Variants in PHKA2 observed in about 807,000 individuals in gnomAD.
PHKA2 encodes the protein phosphorylase kinase regulatory subunit alpha 2, also known as phosphorylase b kinase regulatory subunit alpha, liver isoform.
PHKA2 carries 31 observed loss-of-function variants against 102.0 expected under a neutral mutation model. The ratio of observed to expected loss-of-function variants is 0.30; its 90% confidence interval spans 0.23 to 0.41. PHKA2 has a LOEUF of 0.41. Among genes scored for constraint, PHKA2 ranks in the 10% least tolerant of loss-of-function variants. The pLI is 1.00. For missense variants in PHKA2, 858 were observed against 1,023.1 expected (o/e 0.84, Z 2.20); for synonymous variants, 455 against 416.2 (o/e 1.09, Z -1.13).
At chrX:18,961,494 C>T (rs965820193) in intron 1 of PHKA2, among the ~76,000 whole-genome samples, 1 of 108,669 alleles carries the variant, frequency 9.2e-6, no homozygotes, top group African/African-American at 3.4e-5. Context: ...CCTGTCTCTA[C>T]TAAAAATGCA....
In PHKA2 at chrX:18,910,883, G is replaced by A. The variant is rs368431458; in HGVS notation, c.2215C>T (p.Leu739Phe). The A allele has an allele frequency of 5.9e-6, 7 of 1,178,475 alleles. No individual in the cohort carries two copies. The Middle Eastern group carries it at 7.0e-4, about 118-fold the overall frequency. The change falls in exon 20 of 33, where the codon CTC becomes TTC. Residue 739 changes from leucine (L) to phenylalanine (F), a missense_variant. Leu to Phe is a conservative substitution (Grantham distance 22). Coordinates refer to ENST00000379942, the MANE Select transcript of PHKA2 (RefSeq NM_000292.3). Reference protein sequence around the residue: ...SLNLVDSPQPLLEKVPESDFQ... With the variant: ...SLNLVDSPQPFLEKVPESDFQ... ...TCCATATACTTTACCTTTTCTAGGA[G>A]TGGCTGAGGAGAATCAACAAGATTC...
chrX:18,919,910 T>C (rs1330850265), intron 18 of PHKA2, 122 bp downstream of exon 18: 15 of 581,037 alleles, frequency 2.6e-5, no homozygotes, highest in Non-Finnish European at 4.0e-5. Flanking sequence ...AGCCTCTTTT[T>C]TGTTTTTCCT....
intron 13 of PHKA2, among the ~76,000 whole-genome samples, chrX:18,928,621 C>T (rs927742060): frequency 8.9e-6 from 1 of 112,301 alleles, no homozygotes; most frequent in African/African-American, 3.2e-5. Context: ...CTGCTCCACC[C>T]GGGTGCACAC....
chrX:18,968,987 C>T (rs185430920), intron 1 of PHKA2, among the ~76,000 whole-genome samples: 1,139 of 111,185 alleles, frequency 0.01, 17 homozygotes, highest in African/African-American at 0.035. Context: ...CGTGGTGGTG[C>T]ACGCCTGTAA....
chrX:18,900,517 C>A (rs757554980), intron 28 of PHKA2, among the ~76,000 whole-genome samples, 153 bp downstream of exon 28: 1 of 111,453 alleles, frequency 9.0e-6, no homozygotes, highest in African/African-American at 3.3e-5. Flanking sequence ...GTCTCTCCTG[C>A]CCTCGAGTCC....
At chrX:18,916,425 C>T (rs2048021499) in intron 19 of PHKA2, among the ~76,000 whole-genome samples, 1 of 111,932 alleles carries the variant, frequency 8.9e-6, no homozygotes, top group Non-Finnish European at 1.9e-5. Flanking sequence ...CAGAGTGATA[C>T]TCTTGTCTCA....
At chrX:18,943,113 C>T (rs768745669) in intron 7 of PHKA2, among the ~76,000 whole-genome samples, 2 of 111,847 alleles carry the variant, frequency 1.8e-5, no homozygotes, top group South Asian at 3.7e-4. Context: ...GCCCCAGCAA[C>T]GTACTTGGCA....
chrX:18,939,526 T>C (rs1437972310), intron 9 of PHKA2, among the ~76,000 whole-genome samples: 1 of 109,957 alleles, frequency 9.1e-6, no homozygotes, highest in Non-Finnish European at 1.9e-5. Context: ...CGGAGTCTCA[T>C]TCTGTCACCC....
rs766377954 is a variant in PHKA2 at position 18,954,314 on chromosome X, C to A, written c.177G>T (p.Met59Ile). ...CGCGGTCTGCATTCTTACGGTAGGC[C>A]ATGCCCAGGCCCCACACGGCCAGGA... ...YSILAVWGLG[M>I]AYRKNADRDE... Residue 59 changes from methionine to isoleucine, a missense_variant, in exon 2 of 33, where the codon ATG (methionine) becomes ATT (isoleucine). By Grantham distance (10) the Met-to-Ile change is conservative. Transcript: ENST00000379942. 8.3e-7 allele frequency: 1 copy of A among 1,211,549 alleles called. No homozygotes were observed. The highest frequency in any genetic ancestry group is 1.1e-6 in the Non-Finnish European group (1 of 895,009).
intron 29 of PHKA2, among the ~76,000 whole-genome samples, chrX:18,898,797 G>A (rs2047621949): frequency 8.9e-6 from 1 of 112,317 alleles, no homozygotes; most frequent in Admixed American, 9.4e-5. Context: ...GAGATCTGGG[G>A]CATGGCAGGT....
At chrX:18,944,535 A>G (rs908706455) in intron 6 of PHKA2, among the ~76,000 whole-genome samples, 2 of 111,651 alleles carry the variant, frequency 1.8e-5, no homozygotes, top group African/African-American at 6.5e-5. Context: ...TGACCCACAG[A>G]TCGAATCTGC....
rs2048169035 is a variant in PHKA2 at position 18,924,041 on chromosome X, A to T, written c.1793+15T>A. 1 of 1,146,976 alleles carries T rather than the reference A, an allele frequency of 8.7e-7. No individual in the cohort carries two copies. Among genetic ancestry groups the T allele is most frequent in the African/African-American group, 1.8e-5 (1 of 56,091 alleles). 94.5% of individuals were successfully genotyped at this position (1,146,976 alleles called of 1,213,427 possible). ...CAGTGCTACTCTTATATTTTTTAAAAAAATCACAAATTACCTGGCTCCTCC... is the reference window on the plus strand; with the variant it reads ...CAGTGCTACTCTTATATTTTTTAAATAAATCACAAATTACCTGGCTCCTCC... On this transcript the variant is annotated intron_variant, in intron 17 of 32. Transcript: ENST00000379942.
In PHKA2 at chrX:18,927,013, C is replaced by T. The variant is rs751798082; in HGVS notation, c.1325-426G>A. Among the ~76,000 whole-genome samples, 26 of 111,467 alleles carry T rather than the reference C, an allele frequency of 2.3e-4. No individual in the cohort carries two copies. The East Asian group carries it at 5.4e-3, about 23-fold the overall frequency. ...AGCCTGTGCCCCTGCTCCCAAAGGA[C>T]GGGGGAAAGAAGAGTAAGATGGGGG... On this transcript the variant is annotated intron_variant, in intron 13 of 32. Transcript: ENST00000379942.
intron 27 of PHKA2, among the ~76,000 whole-genome samples, chrX:18,901,082 C>T (rs1274300796): frequency 9.3e-6 from 1 of 107,798 alleles, no homozygotes; most frequent in Non-Finnish European, 1.9e-5. Flanking sequence ...GTGGAGAATC[C>T]AAGTATCATG....
chrX:18,923,830 GCCT>G (rs1258138098), intron 17 of PHKA2, among the ~76,000 whole-genome samples: 2 of 111,661 alleles, frequency 1.8e-5, no homozygotes, highest in African/African-American at 6.5e-5. Context: ...TATGTCCGAG[GCCT>G]CCTGGTGCCT....
chrX:18,899,086 T>A, intron 29 of PHKA2, 87 bp downstream of exon 29: 3 of 800,536 alleles, frequency 3.7e-6, no homozygotes, highest in Non-Finnish European at 1.9e-6. Flanking sequence ...CCTGCTCGAA[T>A]CCTCAGAAGT....
At chrX:18,956,582 T>C (rs766262629) in intron 1 of PHKA2, among the ~76,000 whole-genome samples, 2 of 112,372 alleles carry the variant, frequency 1.8e-5, no homozygotes, top group African/African-American at 6.5e-5. Context: ...TTAGACACGC[T>C]TAACTGTTGG....
chrX:18,932,653 C>T (rs1239683642), intron 11 of PHKA2, among the ~76,000 whole-genome samples: 1 of 110,886 alleles, frequency 9.0e-6, no homozygotes, highest in African/African-American at 3.3e-5. Context: ...TCCAATAGGA[C>T]AATAGTGTGG....
At chrX:18,930,817 G>A (rs1349355031) in intron 12 of PHKA2, among the ~76,000 whole-genome samples, 4 of 110,827 alleles carry the variant, frequency 3.6e-5, no homozygotes, top group Admixed American at 2.9e-4. Context: ...CTGCTTCCAC[G>A]GTGGTATCTT....
Sources: gnomAD v4.1 joint callset for allele counts (sites outside exome capture counted in the v4.1 genomes callset) on GRCh38, gnomAD v4.1.1 for gene constraint, MANE v1.5 for transcripts, NCBI Gene and HGNC (gene_info 2026-07-23, HGNC 2026-07-21) for gene names.